Variants in CBR4 observed in about 807,000 individuals in gnomAD.
The protein encoded by CBR4 is 3-oxoacyl-[acyl-carrier-protein] reductase.
Under a neutral mutation model 21.0 loss-of-function variants are expected in CBR4, and 22 were observed. That is an observed-to-expected ratio of 1.05 (90% CI 0.75 to 1.50). The LOEUF is 1.50. Among genes scored for constraint, CBR4 ranks in the 40% most tolerant of loss-of-function variants. CBR4 has a pLI of 0.00. For missense variants in CBR4, 302 were observed against 286.3 expected, an observed-to-expected ratio of 1.05 and a Z score of -0.40; for synonymous variants, 100 against 104.4, an observed-to-expected ratio of 0.96 and a Z score of 0.26.
rs572034503 is a variant in CBR4, at chr4:168,966,088, T to C, written n.169+35983A>G. Among the ~76,000 whole-genome samples the C allele has an allele frequency of 2.6e-5, 4 of 151,998 alleles. No individual in the cohort carries two copies. In the South Asian group the frequency reaches 8.3e-4, roughly 32 times the overall value. On this transcript the variant is annotated intron_variant and non_coding_transcript_variant, in intron 2 of 3. Coordinates refer to the CBR4 transcript ENST00000509108. ...ATATCAGAAAGTGGGCAAAGGATATTAACAGACACTTCTCAAAAGAAGACA... is the reference window on the plus strand; with the variant it reads ...ATATCAGAAAGTGGGCAAAGGATATCAACAGACACTTCTCAAAAGAAGACA...
chr4:168,957,124 G>A (rs1578934642), intron 2 of CBR4, among the ~76,000 whole-genome samples: 1 of 152,196 alleles, frequency 6.6e-6, no homozygotes, highest in Admixed American at 6.5e-5. Context: ...TCACTCTCAG[G>A]AAGAAGAAAT....
Position 168,988,350 on chromosome 4 carries a change from T to C in CBR4, c.*1800A>G. 12 of 985,418 alleles carry C rather than the reference T, an allele frequency of 1.2e-5. No homozygotes were observed. The highest frequency in any genetic ancestry group is 1.4e-5 in the Non-Finnish European group (12 of 829,898). 61.0% of individuals were successfully genotyped at this position (985,418 alleles called of 1,614,324 possible). ...AACATACACTTAAAGGCTAAACCTA[T>C]CTATAACCTACATCTTAATGTCAGC... is the stretch of plus-strand genomic sequence containing the variant. On this transcript the variant is annotated 3_prime_UTR_variant, in exon 5 of 5. Transcript: ENST00000306193.
At chr4:168,997,372 A>G (rs1307082530) in intron 4 of CBR4, among the ~76,000 whole-genome samples, 3 of 152,226 alleles carry the variant, frequency 2.0e-5, no homozygotes, top group Non-Finnish European at 1.5e-5. Context: ...CTCTTTAGGA[A>G]CAGGGACACT....
In CBR4 at chr4:168,989,974, A is replaced by T. The variant is rs926244161; in HGVS notation, c.*176T>A. On this transcript the variant is annotated 3_prime_UTR_variant, in exon 5 of 5. Transcript: ENST00000306193. ...TGTAACTTAGACCAAAAAAAAAAAA[A>T]CCACAATTTGTCACACATTGTTCTT... 2 of 1,252,110 alleles carry T rather than the reference A, an allele frequency of 1.6e-6. No homozygotes were observed. The highest frequency in any genetic ancestry group is 2.0e-6 in the Non-Finnish European group (2 of 996,784). The allele number at this position is 1,252,110 out of a possible 1,614,324, so 77.6% of individuals were successfully genotyped here.
chr4:168,974,958 C>A (rs1764324048), intron 2 of CBR4, among the ~76,000 whole-genome samples: 1 of 152,074 alleles, frequency 6.6e-6, no homozygotes, highest in African/African-American at 2.4e-5. Flanking sequence ...AGTGTGATCT[C>A]CTGGGGATGC....
downstream of CBR4, among the ~76,000 whole-genome samples, chr4:168,986,189 G>C (rs1356227778): frequency 6.6e-6 from 1 of 152,096 alleles, no homozygotes; most frequent in African/African-American, 2.4e-5. Flanking sequence ...AAGTAATCTA[G>C]AGATGATGTA....
chr4:168,981,901 GTCCATAAGA>G (rs1461970700), intron 2 of CBR4, among the ~76,000 whole-genome samples: 1 of 152,118 alleles, frequency 6.6e-6, no homozygotes, highest in African/African-American at 2.4e-5. Flanking sequence ...CTTACAAGAG[GTCCATAAGA>G]CAGTACTAAA....
intron 2 of CBR4, chr4:168,924,997 AAAG>A: frequency 6.2e-7 from 1 of 1,614,144 alleles, no homozygotes; most frequent in Non-Finnish European, 8.5e-7. Context: ...GGGAGCCACA[AAAG>A]AAGATGCTGG....
At chr4:169,008,168 G>A (rs1321463310) in intron 1 of CBR4, among the ~76,000 whole-genome samples, 1 of 151,992 alleles carries the variant, frequency 6.6e-6, no homozygotes, top group African/African-American at 2.4e-5. Context: ...AGTTTCTTTG[G>A]CCCTGAACGG....
chr4:168,913,615 C>T (rs534283190), intron 2 of CBR4, among the ~76,000 whole-genome samples: 14 of 151,992 alleles, frequency 9.2e-5, no homozygotes, highest in African/African-American at 1.4e-4. Flanking sequence ...TCATGTGTTA[C>T]GGAGACCTTT....
In CBR4 at chr4:168,935,255, G is replaced by A. The variant is rs111594567; in HGVS notation, n.170-40490C>T. Among the ~76,000 whole-genome samples the A allele has an allele frequency of 6.9e-3, 1,045 of 152,302 alleles. 8 individuals carry two copies. Among genetic ancestry groups the A allele is most frequent in the African/African-American group, 8.0e-3 (334 of 41,576 alleles). ...CGGTGCATTCCAGGCCAGATACCACGCTTTTCCCACGGTTTTTGCAACCAT... is the reference window on the plus strand; with the variant it reads ...CGGTGCATTCCAGGCCAGATACCACACTTTTCCCACGGTTTTTGCAACCAT... On this transcript the variant is annotated intron_variant and non_coding_transcript_variant, in intron 2 of 3. Transcript: ENST00000509108.
intron 3 of CBR4, 93 bp downstream of exon 3, chr4:169,006,662 C>T (rs988027713): frequency 1.8e-6 from 2 of 1,136,358 alleles, no homozygotes; most frequent in Non-Finnish European, 2.5e-6. Flanking sequence ...AAATTTCATT[C>T]ATGTTTCACA....
intron 2 of CBR4, among the ~76,000 whole-genome samples, chr4:168,947,725 C>A (rs1026542265): frequency 3.9e-5 from 6 of 152,146 alleles, no homozygotes. Flanking sequence ...CTTTTTATGG[C>A]TGAGCAGTAT....
intron 4 of CBR4, among the ~76,000 whole-genome samples, chr4:168,994,138 G>A (rs891740190): frequency 7.2e-5 from 11 of 152,240 alleles, no homozygotes; most frequent in African/African-American, 2.7e-4. Context: ...CAGCAAGCCA[G>A]TGATAAGCAT....
downstream of CBR4, among the ~76,000 whole-genome samples, chr4:168,986,855 T>C (rs887347545): frequency 1.3e-5 from 2 of 152,010 alleles, no homozygotes; most frequent in African/African-American, 4.8e-5. Context: ...GGCAGGAAAA[T>C]CATTGGAGCC....
chr4:168,923,896 T>G (rs1019635967), intron 2 of CBR4, among the ~76,000 whole-genome samples: 3 of 148,214 alleles, frequency 2.0e-5, no homozygotes, highest in Non-Finnish European at 3.0e-5. Context: ...TGGCAGTAGT[T>G]GGTTGAGGCT....
At chr4:168,968,800 G>C (rs946850807) in intron 2 of CBR4, among the ~76,000 whole-genome samples, 1 of 152,162 alleles carries the variant, frequency 6.6e-6, no homozygotes, top group African/African-American at 2.4e-5. Flanking sequence ...TATTATTTCC[G>C]ATTTACTATC....
chr4:168,950,684 GTACTGAAGTCTCCCACTA>G, intron 2 of CBR4, among the ~76,000 whole-genome samples: 2 of 152,300 alleles, frequency 1.3e-5, no homozygotes, highest in Middle Eastern at 6.8e-3. Context: ...TGTCAGTGGA[GTACTGAAGTCTCCCACTA>G]TTATTGTGTT....
intron 2 of CBR4, among the ~76,000 whole-genome samples, chr4:168,905,325 T>G (rs1012763789): frequency 9.9e-5 from 15 of 151,272 alleles, no homozygotes; most frequent in African/African-American, 3.6e-4. Flanking sequence ...TTTTTTTTTA[T>G]TTTTAGTAGA....
Sources: allele counts gnomAD v4.1 joint callset (sites outside exome capture counted in the v4.1 genomes callset), GRCh38; gene constraint gnomAD v4.1.1; transcripts MANE v1.5; gene names NCBI Gene and HGNC (gene_info 2026-07-23, HGNC 2026-07-21).